The following VAV3 variants were observed in gnomAD, a reference collection of about 807,000 sequenced individuals.
VAV3 encodes guanine nucleotide exchange factor VAV3.
A neutral mutation model predicts 131.2 loss-of-function variants in VAV3; 94 were observed. The ratio of observed to expected loss-of-function variants is 0.72; its 90% CI spans 0.61 to 0.85. The LOEUF (loss-of-function observed/expected upper bound fraction) is 0.85, where lower values mean the gene tolerates loss of function less well. VAV3 is among the 40% of genes least tolerant of loss of function. The pLI is 0.00. For synonymous variants in VAV3, 349 were observed against 342.0 expected (o/e 1.02, Z -0.22); for missense variants, 939 against 1,002.7 (o/e 0.94, Z 0.86).
intron 15 of VAV3, among the ~76,000 whole-genome samples, chr1:107,726,239 C>T (rs938023444): frequency 1.3e-5 from 2 of 152,096 alleles, no homozygotes; most frequent in Non-Finnish European, 2.9e-5. Context: ...ATCAATCAAC[C>T]TATAAAAAGA....
chr1:107,918,988 C>T (rs549561687), intron 1 of VAV3, among the ~76,000 whole-genome samples: 6 of 151,948 alleles, frequency 3.9e-5, no homozygotes, highest in South Asian at 2.1e-4. Flanking sequence ...ATTACAGGCA[C>T]GAGCCACCCC....
At chr1:107,727,813 A>T (rs1269455263) in intron 15 of VAV3, among the ~76,000 whole-genome samples, 1 of 152,334 alleles carries the variant, frequency 6.6e-6, no homozygotes, top group South Asian at 2.1e-4. Flanking sequence ...AAAACCAAGG[A>T]TTCTCTTAAA....
chr1:107,892,570 T>G (rs530950771), intron 1 of VAV3, among the ~76,000 whole-genome samples: 1 of 150,482 alleles, frequency 6.6e-6, no homozygotes, highest in Non-Finnish European at 1.5e-5. Context: ...TTAACCAACA[T>G]TTCATCTTTG....
At chr1:107,748,830 T>C (rs1663518262) in intron 15 of VAV3, 138 bp downstream of exon 15, 10 of 680,336 alleles carry the variant, frequency 1.5e-5, no homozygotes, top group Non-Finnish European at 1.9e-5. Flanking sequence ...GTAGCACTCC[T>C]GCTCACAGCA....
At position 107,706,452 on chromosome 1, in the gene VAV3, T is replaced by C. The variant is rs547261187; in HGVS notation, c.1503-1391A>G. ...AATGAAATCAAATATTAGTGCCATC[T>C]GGGATTTCTCTGCTCTGTGCTTCTG... On this transcript the variant is annotated intron_variant, in intron 15 of 26. Coordinates refer to ENST00000370056, the MANE Select transcript of VAV3 (RefSeq NM_006113.5). Among the ~76,000 whole-genome samples the C allele has an allele frequency of 4.6e-4, 70 of 152,288 alleles. 1 individual carries two copies. Among genetic ancestry groups the C allele is most frequent in the African/African-American group, 1.7e-3 (69 of 41,570 alleles).
intron 5 of VAV3, among the ~76,000 whole-genome samples, chr1:107,771,161 A>G (rs1488458568): frequency 6.6e-6 from 1 of 152,166 alleles, no homozygotes; most frequent in East Asian, 1.9e-4. Flanking sequence ...TTTTTAACTA[A>G]GTATTTAAGA....
At chr1:107,874,477 A>G (rs959786966) in intron 2 of VAV3, among the ~76,000 whole-genome samples, 1 of 152,160 alleles carries the variant, frequency 6.6e-6, no homozygotes, top group Admixed American at 6.6e-5. Flanking sequence ...TCAACTTCCA[A>G]AAATTAGCAG....
intron 15 of VAV3, among the ~76,000 whole-genome samples, chr1:107,726,542 A>G (rs1378279609): frequency 6.7e-6 from 1 of 150,162 alleles, no homozygotes; most frequent in East Asian, 2.1e-4. Flanking sequence ...TGCTTGTAAC[A>G]TCAAAAAGCC....
intron 1 of VAV3, among the ~76,000 whole-genome samples, chr1:107,946,450 C>T (rs1674264750): frequency 6.6e-6 from 1 of 152,196 alleles, no homozygotes; most frequent in Admixed American, 6.5e-5. Context: ...CTTTGGAAAT[C>T]TGTGCTTTTT....
intron 20 of VAV3, among the ~76,000 whole-genome samples, chr1:107,639,881 C>T (rs1266588820): frequency 6.6e-6 from 1 of 150,736 alleles, no homozygotes; most frequent in African/African-American, 2.4e-5. Context: ...CTACAGTGAG[C>T]TACGATTGTA....
intron 1 of VAV3, among the ~76,000 whole-genome samples, chr1:107,941,368 C>T (rs549766351): frequency 2.0e-5 from 3 of 152,258 alleles, no homozygotes; most frequent in South Asian, 2.1e-4. Context: ...TCTGTTGCAA[C>T]GGCTTTTTGC....
Position 107,643,067 on chromosome 1 carries a change from G to A in VAV3, c.1778-312C>T, listed in dbSNP as rs1271152785. ...CTTCATAAAAAACACATCACGTACA[G>A]TTTAATGGAAAAGAATCAATTTTTT... On this transcript the variant is annotated intron_variant, in intron 19 of 26. Transcript: ENST00000370056. Among the ~76,000 whole-genome samples, 4 of 152,208 alleles carry A rather than the reference G, an allele frequency of 2.6e-5. No individual in the cohort carries two copies. The East Asian group carries it at 7.7e-4, about 29-fold the overall frequency.
At chr1:107,915,014 C>G (rs1672542196) in intron 1 of VAV3, among the ~76,000 whole-genome samples, 1 of 152,150 alleles carries the variant, frequency 6.6e-6, no homozygotes, top group Non-Finnish European at 1.5e-5. Context: ...GAGAGAGAGA[C>G]AGCCTAAAGA....
intron 1 of VAV3, among the ~76,000 whole-genome samples, chr1:107,914,588 C>T (rs1672523631): frequency 6.6e-6 from 1 of 152,214 alleles, no homozygotes; most frequent in Non-Finnish European, 1.5e-5. Context: ...CGGGAAGTAT[C>T]TCTGTTCTTA....
intron 1 of VAV3, among the ~76,000 whole-genome samples, chr1:107,950,858 G>A (rs912112732): frequency 6.6e-6 from 1 of 152,152 alleles, no homozygotes; most frequent in Non-Finnish European, 1.5e-5. Flanking sequence ...ATGTGAGGGA[G>A]GGAGAAGTAG....
At chr1:107,930,694 A>G (rs1353886337) in intron 1 of VAV3, among the ~76,000 whole-genome samples, 1 of 152,192 alleles carries the variant, frequency 6.6e-6, no homozygotes, top group Non-Finnish European at 1.5e-5. Flanking sequence ...ATAATAAATG[A>G]CATGATTGAT....
At chr1:107,778,304 T>C (rs1665480215) in intron 3 of VAV3, among the ~76,000 whole-genome samples, 1 of 152,150 alleles carries the variant, frequency 6.6e-6, no homozygotes, top group Admixed American at 6.6e-5. Flanking sequence ...CACATTTTAT[T>C]ATGCAAGTTC....
At chr1:107,778,042 A>C (rs1283033379) in intron 3 of VAV3, among the ~76,000 whole-genome samples, 2 of 152,184 alleles carry the variant, frequency 1.3e-5, no homozygotes, top group Non-Finnish European at 2.9e-5. Flanking sequence ...ATGTCTAACA[A>C]AATCACAGTA....
intron 2 of VAV3, among the ~76,000 whole-genome samples, chr1:107,840,930 A>G (rs1170220984): frequency 6.6e-6 from 1 of 152,110 alleles, no homozygotes; most frequent in Non-Finnish European, 1.5e-5. Context: ...TTAAAAAAAA[A>G]AAAAATTCAT....
Sources: allele counts gnomAD v4.1 joint callset (sites outside exome capture counted in the v4.1 genomes callset), GRCh38; gene constraint gnomAD v4.1.1; transcripts MANE v1.5; gene names NCBI Gene and HGNC (gene_info 2026-07-23, HGNC 2026-07-21).